Variants in CDH18 observed in about 807,000 individuals in gnomAD.
The protein encoded by CDH18 is cadherin-18.
CDH18 carries 31 observed loss-of-function variants against 67.9 expected under a neutral mutation model. The observed-to-expected ratio is 0.46, with a 90% CI of 0.34 to 0.62. The LOEUF (loss-of-function observed/expected upper bound fraction) is 0.62. Ranked by LOEUF, CDH18 falls within the 20% of genes least tolerant of loss-of-function variation. The pLI is 0.01. For missense variants in CDH18, 890 were observed against 975.5 expected, an observed-to-expected ratio of 0.91 and a Z score of 1.17; for synonymous variants, 362 against 347.2, an observed-to-expected ratio of 1.04 and a Z score of -0.48.
At chr5:20,498,510 A>G (rs1245846666) in intron 1 of CDH18, among the ~76,000 whole-genome samples, 1 of 152,120 alleles carries the variant, frequency 6.6e-6, no homozygotes, top group Non-Finnish European at 1.5e-5. Context: ...ATCTTCAATA[A>G]AAAGATGACT....
intron 2 of CDH18, among the ~76,000 whole-genome samples, chr5:20,071,410 T>C (rs1743470805): frequency 6.6e-6 from 1 of 152,062 alleles, no homozygotes; most frequent in Non-Finnish European, 1.5e-5. Context: ...CCAAAAGTGA[T>C]TACATCTGCC....
intron 1 of CDH18, among the ~76,000 whole-genome samples, chr5:20,507,056 C>T (rs773823822): frequency 1.3e-5 from 2 of 152,180 alleles, no homozygotes; most frequent in Non-Finnish European, 2.9e-5. Flanking sequence ...AAAGACTGAG[C>T]CATCCTACAA....
chr5:19,873,381 A>G (rs1786543771), intron 2 of CDH18, among the ~76,000 whole-genome samples: 1 of 152,114 alleles, frequency 6.6e-6, no homozygotes, highest in African/African-American at 2.4e-5. Flanking sequence ...TATCATCTGA[A>G]GAAAAACATA....
intron 3 of CDH18, among the ~76,000 whole-genome samples, chr5:19,804,607 G>C (rs772629253): frequency 2.0e-5 from 3 of 152,160 alleles, no homozygotes; most frequent in South Asian, 4.2e-4. Flanking sequence ...TATTAAGCTT[G>C]TTTCAGATGG....
At chr5:20,495,821 T>C (rs1753874604) in intron 1 of CDH18, among the ~76,000 whole-genome samples, 1 of 152,012 alleles carries the variant, frequency 6.6e-6, no homozygotes, top group Non-Finnish European at 1.5e-5. Context: ...AGTCAAAAGA[T>C]AGCAATGGGA....
intron 1 of CDH18, among the ~76,000 whole-genome samples, chr5:20,275,126 A>G (rs3021442): frequency 0.12 from 17,771 of 152,030 alleles, 1,577 homozygotes; most frequent in African/African-American, 0.24. Flanking sequence ...GAGAAATGAT[A>G]TTGGGACCTG....
At chr5:19,921,463 A>T (rs1045153348) in intron 2 of CDH18, among the ~76,000 whole-genome samples, 1 of 151,594 alleles carries the variant, frequency 6.6e-6, no homozygotes, top group Non-Finnish European at 1.5e-5. Context: ...CCCGGGAGGC[A>T]GAGCTTGCAG....
At chr5:20,489,635 T>A (rs897541581) in intron 1 of CDH18, among the ~76,000 whole-genome samples, 1 of 152,012 alleles carries the variant, frequency 6.6e-6, no homozygotes, top group Non-Finnish European at 1.5e-5. Flanking sequence ...GATAAAAAAG[T>A]TTTTTTCCAG....
At chr5:20,441,921 A>C (rs974145911) in intron 1 of CDH18, among the ~76,000 whole-genome samples, 1 of 142,332 alleles carries the variant, frequency 7.0e-6, no homozygotes, top group Admixed American at 6.9e-5. Context: ...ATAATGTCTT[A>C]TGTGCAATAA....
At position 20,378,902 on chromosome 5, in the gene CDH18, G is replaced by A. The variant is rs553097202; in HGVS notation, c.-579-123397C>T. On this transcript the variant is annotated intron_variant, in intron 1 of 14. Transcript: ENST00000507958. The stretch of plus-strand genomic sequence containing the variant: ...AATACACATAAAAACAATAAGAAAA[G>A]ATATCTTACCTTAATTTTCCTACAG... 3.3e-5 allele frequency among the ~76,000 whole-genome samples: 5 copies of A among 152,142 alleles called. No homozygotes were observed. The South Asian group carries it at 1.0e-3, about 32-fold the overall frequency.
At chr5:19,982,897 A>C in intron 1 of CDH18, among the ~76,000 whole-genome samples, 1 of 152,146 alleles carries the variant, frequency 6.6e-6, no homozygotes, top group Non-Finnish European at 1.5e-5. Context: ...ACAAAAAATT[A>C]GCCGGGCTTG....
chr5:19,911,943 A>G (rs959045515), intron 2 of CDH18, among the ~76,000 whole-genome samples: 19 of 152,172 alleles, frequency 1.2e-4, no homozygotes, highest in South Asian at 2.1e-4. Context: ...GATGAGGATA[A>G]TTACACTTTA....
At position 20,156,390 on chromosome 5, in the gene CDH18, C is replaced by T. The variant is rs369990503; in HGVS notation, c.-518+99054G>A. Among the ~76,000 whole-genome samples the T allele has an allele frequency of 5.3e-5, 8 of 152,206 alleles. 2 individuals carry two copies. The East Asian group carries it at 1.5e-3, about 29-fold the overall frequency. ...TGATATATATCTCTACCATGGAATG[C>T]TATGCAGTCAAAAAAGAATGAAATA... On this transcript the variant is annotated intron_variant, in intron 2 of 14. Coordinates refer to the CDH18 transcript ENST00000507958.
intron 2 of CDH18, among the ~76,000 whole-genome samples, chr5:20,124,314 T>G (rs1290700596): frequency 6.6e-6 from 1 of 152,206 alleles, no homozygotes; most frequent in African/African-American, 2.4e-5. Flanking sequence ...TCAAGATGTC[T>G]GTTTGTGTTC....
intron 7 of CDH18, among the ~76,000 whole-genome samples, chr5:19,586,721 C>T (rs990624052): frequency 5.3e-5 from 8 of 152,056 alleles, no homozygotes; most frequent in Non-Finnish European, 7.3e-5. Context: ...TGGGTATATA[C>T]CCAGTAATGG....
intron 2 of CDH18, among the ~76,000 whole-genome samples, chr5:20,166,818 C>T (rs1736332304): frequency 6.6e-6 from 1 of 152,124 alleles, no homozygotes; most frequent in Non-Finnish European, 1.5e-5. Context: ...ACACCCACTC[C>T]GTTGTCCTCC....
At chr5:19,527,176 A>G (rs1747872852) in intron 9 of CDH18, among the ~76,000 whole-genome samples, 1 of 151,884 alleles carries the variant, frequency 6.6e-6, no homozygotes, top group Non-Finnish European at 1.5e-5. Context: ...TAAGTTTTGC[A>G]AACAGGTGCT....
chr5:19,854,825 TTCTA>T lies in CDH18; in HGVS notation c.-256-15587_-256-15584del, dbSNP rs1387018453. ...GCTACTTAATACTAGATCGTATTCA[TTCTA>T]TCTAACTGTATTTTTGTATCCATTA... On this transcript the variant is annotated intron_variant, in intron 2 of 12. Transcript: ENST00000382275. Among the ~76,000 whole-genome samples, 62 of 152,060 alleles carry T rather than the reference TTCTA, an allele frequency of 4.1e-4. 1 individual carries two copies. The highest frequency in any genetic ancestry group is 7.4e-5 in the Non-Finnish European group (5 of 67,994).
At chr5:19,836,958 A>G (rs1314326108) in intron 3 of CDH18, among the ~76,000 whole-genome samples, 1 of 152,146 alleles carries the variant, frequency 6.6e-6, no homozygotes, top group Admixed American at 6.6e-5. Flanking sequence ...ACACTTGCAC[A>G]CCTATGTTTA....
Sources: allele counts gnomAD v4.1 joint callset (sites outside exome capture counted in the v4.1 genomes callset), GRCh38; gene constraint gnomAD v4.1.1; transcripts MANE v1.5; gene names NCBI Gene and HGNC (gene_info 2026-07-23, HGNC 2026-07-21).